Variants in TDP2 observed in about 807,000 individuals in gnomAD.
TDP2 encodes the protein tyrosyl-DNA phosphodiesterase 2.
In TDP2, 38 loss-of-function variants were observed where a neutral mutation model predicts 42.8. The ratio of observed to expected loss-of-function variants is 0.89; its 90% confidence interval spans 0.68 to 1.16. TDP2 has a LOEUF of 1.16. Ranked by LOEUF, TDP2 falls within the 50% of genes most tolerant of loss-of-function variation. The pLI is 0.00. For synonymous variants in TDP2, 173 were observed against 150.6 expected, an observed-to-expected ratio of 1.15 and a Z score of -1.09; for missense variants, 439 against 439.3, an observed-to-expected ratio of 1.00 and a Z score of 0.01.
rs370316626 is a variant in TDP2, at chr6:24,654,471, T to A, written c.577A>T (p.Ser193Cys). 1 of 1,592,572 alleles carries A rather than the reference T, an allele frequency of 6.3e-7. No homozygotes were observed. ...MLKKSRVKLK[S>C]QEIIPFPSTK... ...CTTGGAAAAGGAATAATCTCTTGGCTTTTTAATTTCACTCTTGATTTCTTC... is the reference window on the plus strand; with the variant it reads ...CTTGGAAAAGGAATAATCTCTTGGCATTTTAATTTCACTCTTGATTTCTTC... Residue 193 changes from serine (S) to cysteine (C), a missense_variant, in exon 5 of 7, where the codon AGC becomes TGC. Transcript: ENST00000378198.
At chr6:24,660,691 C>T (rs16889597) in intron 2 of TDP2, among the ~76,000 whole-genome samples, 2,343 of 152,236 alleles carry the variant, frequency 0.015, 22 homozygotes, top group African/African-American at 0.033. Flanking sequence ...AGACCTAGAC[C>T]AATCTTGCCA....
Position 24,650,692 on chromosome 6 carries a change from T to C in TDP2, c.*96A>G. The C allele has an allele frequency of 1.6e-6, 2 of 1,215,240 alleles. No homozygotes were observed. The highest frequency in any genetic ancestry group is 2.3e-6 in the Non-Finnish European group (2 of 861,330). The allele number at this position is 1,215,240 out of a possible 1,614,324, so 75.3% of individuals were successfully genotyped here. ...ATAGTTGGTTTTTCTGTGACAATGA[T>C]CTAGTACATTATTTCCTCCACAGCA... On this transcript the variant is annotated 3_prime_UTR_variant, in exon 7 of 7. Transcript: ENST00000378198.
intron 2 of TDP2, 160 bp downstream of exon 2, chr6:24,666,366 C>A: frequency 7.0e-7 from 1 of 1,436,628 alleles, no homozygotes; most frequent in Non-Finnish European, 9.5e-7. Context: ...CGCAACTCCG[C>A]GCAGCAGCAG....
Position 24,654,486 on chromosome 6 carries a change from T to A in TDP2, c.562A>T (p.Arg188Ter). Reference protein sequence around the residue: ...YFTAIMLKKSRVKLKSQEIIP... With the variant: ...YFTAIMLKKS ...ATCTCTTGGCTTTTTAATTTCACTC[T>A]TGATTTCTTCAACATTATAGCTGTG... The change falls in exon 5 of 7, where the codon AGA becomes TGA. Residue 188 changes from arginine to a stop codon, truncating the protein, a stop_gained. Transcript: ENST00000378198. LOFTEE classifies it high-confidence loss of function. 6.3e-7 allele frequency: 1 copy of A among 1,587,104 alleles called. No homozygotes were observed. Among genetic ancestry groups the A allele is most frequent in the Non-Finnish European group, 8.6e-7 (1 of 1,163,276 alleles).
intron 3 of TDP2, among the ~76,000 whole-genome samples, 172 bp downstream of exon 3, chr6:24,658,389 C>T (rs942955521): frequency 2.0e-5 from 3 of 152,210 alleles, no homozygotes; most frequent in Admixed American, 6.5e-5. Flanking sequence ...AGTGTTCCCT[C>T]TTTGCTGCAG....
chr6:24,657,819 A>C lies in TDP2; in HGVS notation c.510T>G (p.Ile170Met). ...AATAACAAAAATTGTTACCTGTAAT[A>C]ATCTCATAATTACTTGATCTCTTCT... The part of the protein sequence containing the change: ...YLKKRSSNYE[I>M]ITGHEEGYFT... Residue 170 changes from isoleucine (I) to methionine (M), a missense_variant, in exon 4 of 7, where the codon ATT (isoleucine) becomes ATG (methionine). Ile to Met is a conservative substitution (Grantham distance 10). Coordinates refer to ENST00000378198, the MANE Select transcript of TDP2 (RefSeq NM_016614.3). 2 of 1,529,090 alleles carry C rather than the reference A, an allele frequency of 1.3e-6. No individual in the cohort carries two copies. Among genetic ancestry groups the C allele is most frequent in the African/African-American group, 1.4e-5 (1 of 71,118 alleles). 94.7% of individuals were successfully genotyped at this position (1,529,090 alleles called of 1,614,324 possible).
chr6:24,661,439 G>T (rs939721039), intron 2 of TDP2, among the ~76,000 whole-genome samples: 5 of 152,156 alleles, frequency 3.3e-5, no homozygotes, highest in Non-Finnish European at 7.3e-5. Context: ...CATTTTCTGG[G>T]CACCTCCTTA....
chr6:24,664,093 G>T (rs1778194574), intron 2 of TDP2, among the ~76,000 whole-genome samples: 1 of 152,086 alleles, frequency 6.6e-6, no homozygotes, highest in South Asian at 2.1e-4. Flanking sequence ...CAGTATATCT[G>T]GTGTCTTAGG....
At chr6:24,658,091 G>C (rs1000101888) in intron 3 of TDP2, among the ~76,000 whole-genome samples, 188 bp from the exon 4 acceptor site, 1 of 152,170 alleles carries the variant, frequency 6.6e-6, no homozygotes, top group Non-Finnish European at 1.5e-5. Context: ...ATGTAGTACT[G>C]TAACAAATAT....
intron 2 of TDP2, among the ~76,000 whole-genome samples, chr6:24,664,230 A>C (rs1223017607): frequency 6.6e-6 from 1 of 151,770 alleles, no homozygotes; most frequent in East Asian, 1.9e-4. Context: ...CCCGAGTAGC[A>C]GTGGCACGCT....
At chr6:24,654,708 C>T (rs1778033365) in intron 4 of TDP2, among the ~76,000 whole-genome samples, 178 bp from the exon 5 acceptor site, 1 of 152,016 alleles carries the variant, frequency 6.6e-6, no homozygotes, top group South Asian at 2.1e-4. Flanking sequence ...CTACCTCCTC[C>T]CTCCCAAATT....
Position 24,657,867 on chromosome 6 carries a change from A to G in TDP2, c.462T>C (p.Ile154=). The change falls in exon 4 of 7, where the codon ATT becomes ATC. Residue 154 remains isoleucine (I), a synonymous_variant. Coordinates refer to ENST00000378198, the MANE Select transcript of TDP2 (RefSeq NM_016614.3). ...TCTTTAGGTAGCTATAATATGGGGG[A>G]ATAACTTCCTGTAGAAATATCACAT... ...SPDVIFLQEV[I]PPYYSYLKKR... 1 of 1,585,470 alleles carries G rather than the reference A, an allele frequency of 6.3e-7. No homozygotes were observed. Among genetic ancestry groups the G allele is most frequent in the Non-Finnish European group, 8.6e-7 (1 of 1,164,814 alleles).
At position 24,657,801 on chromosome 6, in the gene TDP2, A is replaced by G; in HGVS notation, c.517+11T>C. 1 of 1,478,514 alleles carries G rather than the reference A, an allele frequency of 6.8e-7. No individual in the cohort carries two copies. The highest frequency in any genetic ancestry group is 9.2e-7 in the Non-Finnish European group (1 of 1,085,670). The allele number at this position is 1,478,514 out of a possible 1,614,324, so 91.6% of individuals were successfully genotyped here. On this transcript the variant is annotated intron_variant, in intron 4 of 6. Transcript: ENST00000378198. Reference sequence around the variant, plus strand: ...CAAAGAAAAGACAAGTTGAATAACAAAAATTGTTACCTGTAATAATCTCAT... The same window carrying G: ...CAAAGAAAAGACAAGTTGAATAACAGAAATTGTTACCTGTAATAATCTCAT...
chr6:24,661,764 C>T (rs1056129856), intron 2 of TDP2, among the ~76,000 whole-genome samples: 2 of 152,128 alleles, frequency 1.3e-5, no homozygotes, highest in South Asian at 4.2e-4. Flanking sequence ...TTCATCCTAC[C>T]CAAAAGTTCT....
At chr6:24,654,765 G>C (rs548686040) in intron 4 of TDP2, among the ~76,000 whole-genome samples, 10 of 152,158 alleles carry the variant, frequency 6.6e-5, no homozygotes, top group Non-Finnish European at 1.5e-4. Context: ...AAAAGACCAG[G>C]CACAGTGGCT....
At chr6:24,661,078 T>C (rs1778141458) in intron 2 of TDP2, among the ~76,000 whole-genome samples, 1 of 152,232 alleles carries the variant, frequency 6.6e-6, no homozygotes, top group Non-Finnish European at 1.5e-5. Context: ...AGTAAGTATT[T>C]TGTGGGAAAG....
intron 2 of TDP2, 195 bp downstream of exon 2, chr6:24,666,331 T>G: frequency 6.6e-7 from 1 of 1,513,646 alleles, no homozygotes; most frequent in Non-Finnish European, 8.9e-7. Flanking sequence ...GACAGTCTGG[T>G]GCAGTGTTAG....
intron 6 of TDP2, 55 bp from the exon 7 acceptor site, chr6:24,651,124 T>TTA: frequency 2.0e-6 from 2 of 994,766 alleles, no homozygotes; most frequent in Non-Finnish European, 2.8e-6. Context: ...CCCACTAACT[T>TTA]AAAAAAAAAA....
intron 2 of TDP2, 182 bp downstream of exon 2, chr6:24,666,344 C>A (rs949669176): frequency 3.8e-5 from 57 of 1,481,140 alleles, no homozygotes; most frequent in Non-Finnish European, 4.9e-5. Context: ...AGTGTTAGAT[C>A]CGCTGCTGGG....
Sources: allele counts gnomAD v4.1 joint callset (sites outside exome capture counted in the v4.1 genomes callset), GRCh38; gene constraint gnomAD v4.1.1; transcripts MANE v1.5; gene names NCBI Gene and HGNC (gene_info 2026-07-23, HGNC 2026-07-21).